The following CLTCL1 variants were observed in gnomAD, a reference collection of about 807,000 sequenced individuals.
CLTCL1 encodes the protein clathrin heavy chain 2.
Under a neutral mutation model 190.0 loss-of-function variants are expected in CLTCL1, and 159 were observed. That is an observed-to-expected ratio of 0.84 (90% confidence interval 0.74 to 0.95). The LOEUF (loss-of-function observed/expected upper bound fraction) is 0.95, where lower values mean the gene tolerates loss of function less well. CLTCL1 is among the 40% of genes least tolerant of loss of function. CLTCL1 has a pLI of 0.00. For synonymous variants in CLTCL1, 752 were observed against 769.6 expected (o/e 0.98, Z 0.38); for missense variants, 1,878 against 2,033.4 (o/e 0.92, Z 1.47).
Position 19,209,022 on chromosome 22 carries a change from G to A in CLTCL1, c.3342C>T (p.Ala1114=), listed in dbSNP as rs1300786943. 8.1e-6 allele frequency: 13 copies of A among 1,611,224 alleles called. No homozygotes were observed. In the Admixed American group the frequency reaches 2.2e-4, roughly 27 times the overall value. ...CCTTCACCAAATCTTTCTGGAGCTGGGCTTGGGCCAGCTGACTCCACACAG... is the reference window on the plus strand; with the variant it reads ...CCTTCACCAAATCTTTCTGGAGCTGAGCTTGGGCCAGCTGACTCCACACAG... ...EPAVWSQLAQ[A]QLQKDLVKEA... is the part of the protein sequence containing the mutation. Residue 1114 remains alanine (A), a synonymous_variant, in exon 21 of 33, where the codon GCC becomes GCT. Transcript: ENST00000427926.
chr22:19,255,400 C>A (rs2086712781), intron 2 of CLTCL1, among the ~76,000 whole-genome samples: 1 of 150,570 alleles, frequency 6.6e-6, no homozygotes. Flanking sequence ...CCATCTCTAC[C>A]AAAAATACAA....
intron 1 of CLTCL1, among the ~76,000 whole-genome samples, chr22:19,289,006 C>T (rs887044013): frequency 4.6e-5 from 7 of 152,204 alleles, no homozygotes; most frequent in Admixed American, 2.0e-4. Context: ...TTTTTTGAGA[C>T]GGAGTCTCGG....
At chr22:19,269,057 T>C in intron 2 of CLTCL1, among the ~76,000 whole-genome samples, 1 of 141,762 alleles carries the variant, frequency 7.1e-6, no homozygotes, top group Admixed American at 7.4e-5. Flanking sequence ...GCCACTGCAC[T>C]CCAGCCTGGG....
At chr22:19,233,845 C>T (rs2085993402) in intron 7 of CLTCL1, among the ~76,000 whole-genome samples, 1 of 152,204 alleles carries the variant, frequency 6.6e-6, no homozygotes, top group African/African-American at 2.4e-5. Context: ...GGTCTTACTT[C>T]TCCCCCAGCA....
chr22:19,211,229 C>A (rs2085210372), intron 19 of CLTCL1, among the ~76,000 whole-genome samples: 1 of 152,004 alleles, frequency 6.6e-6, no homozygotes, highest in Non-Finnish European at 1.5e-5. Flanking sequence ...ATGAGAAAAA[C>A]TCTCAACTAG....
chr22:19,288,204 TTAA>T (rs2087977936), intron 1 of CLTCL1, among the ~76,000 whole-genome samples: 1 of 152,184 alleles, frequency 6.6e-6, no homozygotes, highest in South Asian at 2.1e-4. Flanking sequence ...CTTAATTTAC[TTAA>T]TAATGGCCCC....
chr22:19,205,584 G>T (rs1165593929), intron 22 of CLTCL1, among the ~76,000 whole-genome samples: 2 of 152,206 alleles, frequency 1.3e-5, no homozygotes, highest in African/African-American at 4.8e-5. Flanking sequence ...ATGCTGCAAT[G>T]ATTAAATATT....
At chr22:19,196,177 T>C in intron 26 of CLTCL1, 89 bp downstream of exon 26, 1 of 1,345,682 alleles carries the variant, frequency 7.4e-7, no homozygotes, top group Non-Finnish European at 1.0e-6. Context: ...ATGCTGGTAC[T>C]CATTCCACTC....
intron 22 of CLTCL1, 87 bp downstream of exon 22, chr22:19,208,067 C>T: frequency 6.5e-7 from 1 of 1,548,400 alleles, no homozygotes; most frequent in Non-Finnish European, 8.9e-7. Context: ...TCCCTGGTGC[C>T]AAAACAGCTC....
At chr22:19,212,558 TGAAAGAAA>T (rs1569177395) in intron 19 of CLTCL1, among the ~76,000 whole-genome samples, 1 of 117,156 alleles carries the variant, frequency 8.5e-6, no homozygotes, top group African/African-American at 3.2e-5. Flanking sequence ...GAGACCCTAT[TGAAAGAAA>T]GAGAAAGAAA....
chr22:19,234,664 C>T lies in CLTCL1; in HGVS notation c.1012G>A (p.Ala338Thr). Residue 338 changes from alanine to threonine, a missense_variant, in exon 7 of 33, where the codon GCA becomes ACA. By Grantham distance (58) the Ala-to-Thr change is moderately conservative. Coordinates refer to ENST00000427926, the MANE Select transcript of CLTCL1 (RefSeq NM_007098.4). The part of the protein sequence containing the change: ...CVEEDNIVNY[A>T]TNVLQNPDLG... ...TCTGGATTCTGAAGCACGTTGGTTG[C>T]ATAATTCACAATGTTATCTTCCTCA... 1 of 1,614,012 alleles carries T rather than the reference C, an allele frequency of 6.2e-7. No individual in the cohort carries two copies. The highest frequency in any genetic ancestry group is 1.1e-5 in the South Asian group (1 of 91,088).
intron 18 of CLTCL1, among the ~76,000 whole-genome samples, chr22:19,218,787 T>C (rs879967761): frequency 7.5e-4 from 114 of 152,228 alleles, no homozygotes; most frequent in Non-Finnish European, 4.9e-4. Flanking sequence ...TGGGAAGCCC[T>C]CCCAGAGGCC....
Position 19,291,704 on chromosome 22 carries a change from C to G in CLTCL1, c.-63G>C. Reference sequence around the variant, plus strand: ...CAGGAATGAACGCCGACCCCTCGCGCGGGCTGACCGGTGGCGACGGCGCAG... The same window carrying G: ...CAGGAATGAACGCCGACCCCTCGCGGGGGCTGACCGGTGGCGACGGCGCAG... On this transcript the variant is annotated 5_prime_UTR_variant, in exon 1 of 33. Coordinates refer to ENST00000427926, the MANE Select transcript of CLTCL1 (RefSeq NM_007098.4). 2.3e-6 allele frequency: 3 copies of G among 1,302,744 alleles called. No individual in the cohort carries two copies. Among genetic ancestry groups the G allele is most frequent in the African/African-American group, 3.1e-5 (2 of 64,906 alleles). The allele number at this position is 1,302,744 out of a possible 1,614,324, so 80.7% of individuals were successfully genotyped here.
chr22:19,291,227 G>A (rs537916842), intron 1 of CLTCL1, among the ~76,000 whole-genome samples: 1 of 152,362 alleles, frequency 6.6e-6, no homozygotes, highest in East Asian at 1.9e-4. Flanking sequence ...GGGCGAATAA[G>A]GACCGCAGGA....
intron 30 of CLTCL1, chr22:19,182,957 T>C: frequency 4.2e-6 from 1 of 236,374 alleles, no homozygotes; most frequent in South Asian, 5.9e-5. Flanking sequence ...ATACTCCTAC[T>C]ATGTGTTCAG....
chr22:19,246,715 C>A (rs568406098), intron 3 of CLTCL1, among the ~76,000 whole-genome samples: 1 of 152,234 alleles, frequency 6.6e-6, no homozygotes, highest in South Asian at 2.1e-4. Context: ...ACCTCAGGGC[C>A]AACACTTATT....
In CLTCL1 at chr22:19,221,476, G is replaced by T; in HGVS notation, c.2697C>A (p.Tyr899Ter). 6.3e-7 allele frequency: 1 copy of T among 1,593,084 alleles called. No homozygotes were observed. The highest frequency in any genetic ancestry group is 2.3e-5 in the East Asian group (1 of 44,106). The change falls in exon 17 of 33, where the codon TAC becomes TAA. Residue 899 changes from tyrosine (Y) to a stop codon, truncating the protein, a stop_gained. Coordinates refer to ENST00000427926, the MANE Select transcript of CLTCL1 (RefSeq NM_007098.4). LOFTEE classifies it high-confidence loss of function. ...AGCGGCCCACCACGCTGCTGTCATA[G>T]TAGGCATTCTCTCTCAGGAAGCACT... ...SPECFLRENA[Y>*]YDSSVVGRYC...
intron 19 of CLTCL1, among the ~76,000 whole-genome samples, chr22:19,215,390 G>C (rs2085350501): frequency 6.6e-6 from 1 of 152,238 alleles, no homozygotes; most frequent in Admixed American, 6.5e-5. Flanking sequence ...ATTAAAATCT[G>C]ACACAGAATC....
intron 23 of CLTCL1, 129 bp from the exon 24 acceptor site, chr22:19,199,970 A>G: frequency 1.6e-6 from 1 of 609,038 alleles, no homozygotes; most frequent in Non-Finnish European, 2.9e-6. Flanking sequence ...GATTCTGAAC[A>G]AGTAGCTAAC....
Sources: allele counts gnomAD v4.1 joint callset (sites outside exome capture counted in the v4.1 genomes callset), GRCh38; gene constraint gnomAD v4.1.1; transcripts MANE v1.5; gene names NCBI Gene and HGNC (gene_info 2026-07-23, HGNC 2026-07-21).